The following SVEP1 variants were observed in gnomAD, a reference collection of about 807,000 sequenced individuals.
SVEP1 encodes the protein sushi, von Willebrand factor type A, EGF and pentraxin domain-containing protein 1.
Under a neutral mutation model 367.3 loss-of-function variants are expected in SVEP1, and 164 were observed. The ratio of observed to expected loss-of-function variants is 0.45; its 90% CI spans 0.39 to 0.51. The LOEUF is 0.51. Ranked by LOEUF, SVEP1 falls within the 20% of genes least tolerant of loss-of-function variation. The pLI is 0.00. For synonymous variants in SVEP1, 1,666 were observed against 1,611.6 expected, an observed-to-expected ratio of 1.03 and a Z score of -0.81; for missense variants, 4,117 against 4,425.3, an observed-to-expected ratio of 0.93 and a Z score of 1.98.
chr9:110,541,873 CTATATATATCTATATACATAGATATCTA>C (rs1830154432), intron 3 of SVEP1, among the ~76,000 whole-genome samples: 3 of 138,580 alleles, frequency 2.2e-5, no homozygotes, highest in African/African-American at 8.3e-5. Flanking sequence ...ACATAGATAT[CTATATATATCTATATACATAGATATCTA>C]TATATATCTA....
chr9:110,521,737 T>C (rs1829878394), intron 3 of SVEP1, among the ~76,000 whole-genome samples: 1 of 152,222 alleles, frequency 6.6e-6, no homozygotes, highest in Non-Finnish European at 1.5e-5. Flanking sequence ...CTGATTTTTA[T>C]AATTAAAATT....
intron 44 of SVEP1, 148 bp from the exon 45 acceptor site, chr9:110,377,514 C>T (rs1827366921): frequency 3.1e-6 from 2 of 652,480 alleles, no homozygotes; most frequent in Non-Finnish European, 5.2e-6. Context: ...GAGGGAATTT[C>T]AGTATGTGGA....
intron 9 of SVEP1, among the ~76,000 whole-genome samples, chr9:110,489,343 A>T (rs1829331835): frequency 6.6e-6 from 1 of 152,180 alleles, no homozygotes; most frequent in South Asian, 2.1e-4. Flanking sequence ...TTTATAAAGG[A>T]AAGAGTTTTA....
intron 14 of SVEP1, among the ~76,000 whole-genome samples, chr9:110,473,177 T>C (rs1457289438): frequency 6.6e-6 from 1 of 152,234 alleles, no homozygotes; most frequent in East Asian, 1.9e-4. Context: ...GCCTCTCTAC[T>C]TAAGTAAATT....
At chr9:110,404,286 A>G in intron 39 of SVEP1, 41 bp downstream of exon 39, 2 of 1,577,616 alleles carry the variant, frequency 1.3e-6, no homozygotes, top group Non-Finnish European at 8.7e-7. Flanking sequence ...CAATATATGT[A>G]TATGTAGGCA....
intron 41 of SVEP1, 78 bp from the exon 42 acceptor site, chr9:110,387,536 T>TA (rs1827544524): frequency 7.2e-7 from 1 of 1,387,580 alleles, no homozygotes; most frequent in Non-Finnish European, 9.6e-7. Context: ...TTGCCAAAGA[T>TA]ATTTCATGGA....
At chr9:110,558,701 G>T (rs1217265441) in intron 1 of SVEP1, among the ~76,000 whole-genome samples, 1 of 151,944 alleles carries the variant, frequency 6.6e-6, no homozygotes, top group African/African-American at 2.4e-5. Flanking sequence ...ATGAAAGACA[G>T]AGATCCACAT....
intron 43 of SVEP1, among the ~76,000 whole-genome samples, chr9:110,384,835 T>C (rs1827496134): frequency 1.3e-5 from 2 of 152,186 alleles, no homozygotes; most frequent in South Asian, 4.1e-4. Flanking sequence ...TGAAGACCAT[T>C]GTAGGCATGA....
At chr9:110,494,136 A>G (rs1431572187) in intron 8 of SVEP1, among the ~76,000 whole-genome samples, 10 of 152,216 alleles carry the variant, frequency 6.6e-5, no homozygotes, top group Non-Finnish European at 2.9e-5. Flanking sequence ...CATCACATCT[A>G]CAAAGTTCCT....
chr9:110,411,582 T>C lies in SVEP1; in HGVS notation c.6129A>G (p.Ala2043=), dbSNP rs373465319. The stretch of plus-strand genomic sequence containing the variant: ...TGTAACCATCAGAGCAGTAGTAGAA[T>C]GCAATGTCTCCAAAGAGCCGATGGG... ...ETAHRLFGDI[A]FYYCSDGYSL... The change falls in exon 37 of 48, where the codon GCA becomes GCG. Residue 2043 remains alanine (A), a synonymous_variant. Transcript: ENST00000374469. 4 of 1,613,846 alleles carry C rather than the reference T, an allele frequency of 2.5e-6. No homozygotes were observed. The highest frequency in any genetic ancestry group is 2.2e-5 in the East Asian group (1 of 44,892).
At chr9:110,438,041 G>A (rs1400904854) in intron 27 of SVEP1, among the ~76,000 whole-genome samples, 2 of 151,962 alleles carry the variant, frequency 1.3e-5, no homozygotes, top group African/African-American at 4.8e-5. Context: ...TTGTTTTAGT[G>A]TATGTGTATG....
rs866815741 is a variant in SVEP1 at position 110,389,424 on chromosome 9, C to T, written c.9886+100G>A. On this transcript the variant is annotated intron_variant, in intron 41 of 47. Transcript: ENST00000374469. ...TCATATGGCTTATGGAGTTGGCTTA[C>T]ATTTTAATTACAAAACTAACCTATA... 9 of 1,432,716 alleles carry T rather than the reference C, an allele frequency of 6.3e-6. No individual in the cohort carries two copies. The Middle Eastern group carries it at 9.1e-4, about 144-fold the overall frequency. 88.8% of individuals were successfully genotyped at this position (1,432,716 alleles called of 1,614,324 possible).
intron 16 of SVEP1, among the ~76,000 whole-genome samples, chr9:110,469,401 C>A (rs564800902): frequency 6.6e-6 from 1 of 152,036 alleles, no homozygotes. Context: ...CAGATCATCA[C>A]GGGAAAGACA....
At chr9:110,528,156 GTA>G (rs59360366) in intron 3 of SVEP1, among the ~76,000 whole-genome samples, 105 of 33,946 alleles carry the variant, frequency 3.1e-3, no homozygotes, top group East Asian at 0.016. Context: ...GTGTGTGTGT[GTA>G]TATATATATA....
At chr9:110,527,263 C>A (rs145034798) in intron 3 of SVEP1, among the ~76,000 whole-genome samples, 1 of 151,780 alleles carries the variant, frequency 6.6e-6, no homozygotes, top group East Asian at 1.9e-4. Flanking sequence ...TTGCATGTGA[C>A]TCTATAATTA....
At chr9:110,394,365 C>A (rs10453218) in intron 40 of SVEP1, among the ~76,000 whole-genome samples, 38 of 152,226 alleles carry the variant, frequency 2.5e-4, no homozygotes, top group African/African-American at 8.7e-4. Context: ...TCACCATCAT[C>A]AAAGACCAAA....
chr9:110,522,269 T>C (rs1331481688), intron 3 of SVEP1, among the ~76,000 whole-genome samples: 3 of 152,116 alleles, frequency 2.0e-5, no homozygotes, highest in Admixed American at 1.3e-4. Flanking sequence ...TGTGAAGAAT[T>C]TGAGAGCCTT....
In SVEP1 at chr9:110,408,542, T is replaced by C. The variant is rs557548207; in HGVS notation, c.7058A>G (p.His2353Arg). Residue 2353 changes from histidine (H) to arginine (R), a missense_variant, in exon 38 of 48, where the codon CAT becomes CGT. Transcript: ENST00000374469. ...CAGGACAGAGGGGCCTTGCAGGACATGCCCTTCTTTACAGGAAAATGTCAC... is the reference window on the plus strand; with the variant it reads ...CAGGACAGAGGGGCCTTGCAGGACACGCCCTTCTTTACAGGAAAATGTCAC... The part of the protein sequence containing the change: ...GVVTFSCKEG[H>R]VLQGPSVLKC... 1.1e-5 allele frequency: 18 copies of C among 1,613,922 alleles called. No homozygotes were observed. The South Asian group carries it at 1.6e-4, about 15-fold the overall frequency.
chr9:110,445,123 A>C (rs1447212204), intron 26 of SVEP1, among the ~76,000 whole-genome samples: 1 of 152,310 alleles, frequency 6.6e-6, no homozygotes, highest in African/African-American at 2.4e-5. Context: ...AGTTTTGCCA[A>C]GGATTTCACA....
Sources: allele counts gnomAD v4.1 joint callset (sites outside exome capture counted in the v4.1 genomes callset), GRCh38; gene constraint gnomAD v4.1.1; transcripts MANE v1.5; gene names NCBI Gene and HGNC (gene_info 2026-07-23, HGNC 2026-07-21).